Variants in SGSM1 observed in about 807,000 individuals in gnomAD.
SGSM1 encodes RUN and TBC1 domain containing 2.
In SGSM1, 73 loss-of-function variants were observed where a neutral mutation model predicts 133.8. That is an observed-to-expected ratio of 0.55 (90% CI 0.45 to 0.66). The LOEUF is 0.66. Among genes scored for constraint, SGSM1 ranks in the 30% least tolerant of loss-of-function variants. The pLI, the probability that SGSM1 is intolerant of heterozygous loss-of-function variation, is 0.00. For synonymous variants in SGSM1, 563 were observed against 573.0 expected (o/e 0.98, Z 0.25); for missense variants, 1,213 against 1,448.1 (o/e 0.84, Z 2.64).
At chr22:24,887,186 C>T (rs1041625425) in intron 16 of SGSM1, among the ~76,000 whole-genome samples, 1 of 120,488 alleles carries the variant, frequency 8.3e-6, no homozygotes, top group Non-Finnish European at 1.8e-5. Flanking sequence ...TCACCACGGC[C>T]AACATACAGT....
At chr22:24,850,532 T>C in intron 5 of SGSM1, 100 bp downstream of exon 5, 1 of 1,472,548 alleles carries the variant, frequency 6.8e-7, no homozygotes, top group South Asian at 1.3e-5. Context: ...CTTTTTCCCC[T>C]TGACAGCCAC....
chr22:24,898,183 C>T lies in SGSM1; in HGVS notation c.2234C>T (p.Thr745Ile), dbSNP rs374399542. The T allele has an allele frequency of 3.7e-5, 60 of 1,613,924 alleles. No homozygotes were observed. The African/African-American group carries it at 7.5e-4, about 20-fold the overall frequency. The change falls in exon 19 of 25, where the codon ACC (threonine) becomes ATC (isoleucine). Residue 745 changes from threonine to isoleucine, a missense_variant. Thr to Ile is a moderately conservative substitution (Grantham distance 89). Transcript: ENST00000400358. Reference sequence around the variant, plus strand: ...AGTGTCTTGGACGCCCAGCGGAACACCCCCACGGTGCTGCGACCTAGGGAT... The same window carrying T: ...AGTGTCTTGGACGCCCAGCGGAACATCCCCACGGTGCTGCGACCTAGGGAT... The part of the protein sequence containing the change: ...EDSVLDAQRN[T>I]PTVLRPRDGS...
At chr22:24,852,055 C>A (rs1247959412) in intron 5 of SGSM1, among the ~76,000 whole-genome samples, 1 of 152,192 alleles carries the variant, frequency 6.6e-6, no homozygotes, top group Non-Finnish European at 1.5e-5. Flanking sequence ...ATTTGAGAAG[C>A]AATGTCAACC....
chr22:24,882,107 G>A (rs955740102), intron 14 of SGSM1, among the ~76,000 whole-genome samples: 5 of 151,660 alleles, frequency 3.3e-5, no homozygotes, highest in Admixed American at 6.6e-5. Context: ...ACAGGGTCTC[G>A]CCTTGTCACC....
chr22:24,835,091 C>T (rs147405366), intron 2 of SGSM1, among the ~76,000 whole-genome samples: 55 of 152,264 alleles, frequency 3.6e-4, no homozygotes, highest in Admixed American at 1.6e-3. Flanking sequence ...CTCCATACTG[C>T]CCTTGGTGGT....
intron 12 of SGSM1, among the ~76,000 whole-genome samples, chr22:24,876,083 AGGACCAT>A (rs1487177156): frequency 6.6e-6 from 1 of 152,208 alleles, no homozygotes; most frequent in Non-Finnish European, 1.5e-5. Context: ...CTTTAGCCTC[AGGACCAT>A]GGACAGCGCA....
intron 2 of SGSM1, among the ~76,000 whole-genome samples, chr22:24,837,872 T>A (rs1238772638): frequency 6.6e-6 from 1 of 152,246 alleles, no homozygotes; most frequent in Non-Finnish European, 1.5e-5. Context: ...AAGTAACTGC[T>A]ACAAACTAAT....
intron 15 of SGSM1, among the ~76,000 whole-genome samples, chr22:24,884,915 G>A (rs558527870): frequency 6.6e-6 from 1 of 152,216 alleles, no homozygotes; most frequent in Admixed American, 6.5e-5. Flanking sequence ...TGAGGTAGCA[G>A]CGAGAATTGT....
intron 2 of SGSM1, among the ~76,000 whole-genome samples, chr22:24,810,377 A>G (rs117091576): frequency 0.012 from 1,850 of 151,164 alleles, 27 homozygotes; most frequent in Non-Finnish European, 0.02. Flanking sequence ...TACCACCAAG[A>G]GAAAGCTGGA....
intron 15 of SGSM1, among the ~76,000 whole-genome samples, chr22:24,884,581 A>AC (rs1349019487): frequency 2.0e-5 from 3 of 152,166 alleles, no homozygotes; most frequent in Non-Finnish European, 2.9e-5. Context: ...ACACGGTGAA[A>AC]CCCCATCTCT....
intron 20 of SGSM1, among the ~76,000 whole-genome samples, chr22:24,904,212 TAC>T (rs1933279688): frequency 6.6e-6 from 1 of 152,086 alleles, no homozygotes; most frequent in Admixed American, 6.6e-5. Flanking sequence ...AAAAAATGTG[TAC>T]ATTCAGGCTG....
chr22:24,884,223 G>T (rs1426238538), intron 15 of SGSM1, 25 bp downstream of exon 15: 4 of 1,598,442 alleles, frequency 2.5e-6, no homozygotes, highest in South Asian at 2.2e-5. Flanking sequence ...GGCTTGGTCT[G>T]CAGTGATGCA....
intron 16 of SGSM1, among the ~76,000 whole-genome samples, chr22:24,890,199 G>T (rs573791341): frequency 1.3e-5 from 2 of 151,364 alleles, no homozygotes; most frequent in Non-Finnish European, 2.9e-5. Context: ...CTTGTGATCC[G>T]CCCGCCTTGG....
intron 2 of SGSM1, among the ~76,000 whole-genome samples, chr22:24,833,389 G>A (rs890497884): frequency 4.6e-5 from 7 of 151,946 alleles, no homozygotes; most frequent in Non-Finnish European, 8.8e-5. Context: ...GCCAGGCGCG[G>A]TGGCTCACAC....
chr22:24,816,014 A>G (rs565604352), intron 2 of SGSM1, among the ~76,000 whole-genome samples: 1 of 152,340 alleles, frequency 6.6e-6, no homozygotes, highest in African/African-American at 2.4e-5. Flanking sequence ...TCTATGGGAT[A>G]GTTGGGCCAG....
chr22:24,831,148 T>G (rs1359764634), intron 2 of SGSM1, among the ~76,000 whole-genome samples: 1 of 150,598 alleles, frequency 6.6e-6, no homozygotes, highest in African/African-American at 2.5e-5. Context: ...TGCAGGAGGG[T>G]TAGGAGGAGG....
At chr22:24,867,333 T>C (rs1180797932) in intron 10 of SGSM1, among the ~76,000 whole-genome samples, 173 bp downstream of exon 10, 2 of 152,202 alleles carry the variant, frequency 1.3e-5, no homozygotes, top group Admixed American at 1.3e-4. Context: ...TCCCCATCTG[T>C]AACATGGGAA....
intron 5 of SGSM1, among the ~76,000 whole-genome samples, 180 bp from the exon 6 acceptor site, chr22:24,854,816 A>T (rs1256204307): frequency 6.6e-6 from 1 of 151,992 alleles, no homozygotes; most frequent in East Asian, 1.9e-4. Flanking sequence ...ACCTTATCTT[A>T]AAAAAAAGAA....
chr22:24,806,251 G>A lies in SGSM1; in HGVS notation c.-75G>A. ...CCGCCCCGCCGCGGCTGCAGCAGCA[G>A]CGCCGCGGCCGGAGGAGCTACCGCC... On this transcript the variant is annotated 5_prime_UTR_variant, in exon 1 of 25. Transcript: ENST00000400358. 7.5e-7 allele frequency: 1 copy of A among 1,341,184 alleles called. No homozygotes were observed. The highest frequency in any genetic ancestry group is 1.9e-5 in the South Asian group (1 of 51,762). The allele number at this position is 1,341,184 out of a possible 1,614,324, so 83.1% of individuals were successfully genotyped here.
Sources: allele counts gnomAD v4.1 joint callset (sites outside exome capture counted in the v4.1 genomes callset), GRCh38; gene constraint gnomAD v4.1.1; transcripts MANE v1.5; gene names NCBI Gene and HGNC (gene_info 2026-07-23, HGNC 2026-07-21).